SGCZ: variants seen among roughly 807,000 people sequenced by gnomAD.
SGCZ encodes zeta-sarcoglycan.
In SGCZ, 40 loss-of-function variants were observed where a neutral mutation model predicts 41.3. The ratio of observed to expected loss-of-function variants is 0.97; its 90% CI spans 0.75 to 1.26. SGCZ has a LOEUF of 1.26. Among genes scored for constraint, SGCZ ranks in the 50% most tolerant of loss-of-function variants. The probability of loss-of-function intolerance (pLI) is 0.00; values close to 1 mark genes in which losing one functional copy is unlikely to be tolerated. For missense variants in SGCZ, 552 were observed against 369.8 expected (o/e 1.49, Z -4.04); for synonymous variants, 206 against 137.5 (o/e 1.50, Z -3.49).
At chr8:14,483,384 A>G (rs555468972) in intron 2 of SGCZ, among the ~76,000 whole-genome samples, 2 of 152,280 alleles carry the variant, frequency 1.3e-5, no homozygotes, top group African/African-American at 4.8e-5. Context: ...AGCCTGAGCA[A>G]TACAGTGAGA....
In SGCZ at chr8:14,496,409, G is replaced by A. The variant is rs966819309; in HGVS notation, c.234+58323C>T. Among the ~76,000 whole-genome samples, 6 of 152,066 alleles carry A rather than the reference G, an allele frequency of 3.9e-5. No individual in the cohort carries two copies. The South Asian group carries it at 8.3e-4, about 21-fold the overall frequency. ...ATGCTAAATTCTGCTGGAAAAAGGA[G>A]TACAAAATGAATACAAGTAGTAAGT... On this transcript the variant is annotated intron_variant, in intron 2 of 7. Coordinates refer to ENST00000382080, the MANE Select transcript of SGCZ (RefSeq NM_139167.4).
chr8:14,980,846 T>C (rs1211200483), intron 1 of SGCZ, among the ~76,000 whole-genome samples: 1 of 152,132 alleles, frequency 6.6e-6, no homozygotes, highest in Admixed American at 6.5e-5. Context: ...CTATTAATAA[T>C]CTGTCTCTCT....
At chr8:14,831,960 T>C (rs1302968160) in intron 1 of SGCZ, among the ~76,000 whole-genome samples, 1 of 152,100 alleles carries the variant, frequency 6.6e-6, no homozygotes, top group East Asian at 1.9e-4. Context: ...GAAAAGTGTT[T>C]TAAAAGAATA....
chr8:14,319,634 C>A (rs1801852090), intron 3 of SGCZ: 1 of 151,970 alleles, frequency 6.6e-6, no homozygotes, highest in East Asian at 1.9e-4. Flanking sequence ...ATAAAGAAGA[C>A]CACAGACGAT....
At chr8:14,658,495 C>A (rs1376447167) in intron 1 of SGCZ, among the ~76,000 whole-genome samples, 2 of 152,038 alleles carry the variant, frequency 1.3e-5, no homozygotes, top group Non-Finnish European at 2.9e-5. Flanking sequence ...AGATGCGCAG[C>A]CTCCAAGCCT....
At chr8:14,421,871 T>A (rs1799646408) in intron 2 of SGCZ, among the ~76,000 whole-genome samples, 1 of 152,128 alleles carries the variant, frequency 6.6e-6, no homozygotes, top group African/African-American at 2.4e-5. Context: ...ATACTTTGAA[T>A]CCAGAATCCT....
intron 1 of SGCZ, among the ~76,000 whole-genome samples, chr8:15,148,304 T>C (rs1416972781): frequency 6.6e-6 from 1 of 152,206 alleles, no homozygotes; most frequent in Non-Finnish European, 1.5e-5. Flanking sequence ...GACATTAAGT[T>C]GCTATCGGAC....
intron 5 of SGCZ, among the ~76,000 whole-genome samples, chr8:14,113,964 G>C (rs1251330540): frequency 2.0e-5 from 3 of 151,992 alleles, no homozygotes; most frequent in African/African-American, 7.2e-5. Context: ...CTAAATTATA[G>C]TATCTGTGAA....
At chr8:14,641,537 AG>A (rs1807027922) in intron 1 of SGCZ, among the ~76,000 whole-genome samples, 1 of 151,750 alleles carries the variant, frequency 6.6e-6, no homozygotes, top group African/African-American at 2.4e-5. Flanking sequence ...CCAAGCCAGG[AG>A]TCTTTTGCTC....
intron 1 of SGCZ, among the ~76,000 whole-genome samples, chr8:15,135,442 G>C (rs966796237): frequency 6.6e-6 from 1 of 152,046 alleles, no homozygotes; most frequent in African/African-American, 2.4e-5. Flanking sequence ...CATTTTCCTA[G>C]CACATGAAGA....
At chr8:14,353,912 G>A (rs1016496875) in intron 2 of SGCZ, among the ~76,000 whole-genome samples, 3 of 151,950 alleles carry the variant, frequency 2.0e-5, no homozygotes, top group Non-Finnish European at 2.9e-5. Context: ...CAGATTCTAA[G>A]AGCTACTTCT....
chr8:14,812,934 A>G (rs1022674496), intron 1 of SGCZ, among the ~76,000 whole-genome samples: 2 of 152,318 alleles, frequency 1.3e-5, no homozygotes, highest in East Asian at 3.9e-4. Context: ...CCTGAATAAT[A>G]TGCCAGACTT....
chr8:14,646,197 C>T (rs2117443192), intron 1 of SGCZ, among the ~76,000 whole-genome samples: 1 of 151,566 alleles, frequency 6.6e-6, no homozygotes, highest in South Asian at 2.1e-4. Flanking sequence ...CAGCTTACTG[C>T]TCCTGACTCC....
intron 1 of SGCZ, among the ~76,000 whole-genome samples, chr8:15,093,375 G>T (rs541959909): frequency 6.6e-6 from 1 of 152,028 alleles, no homozygotes; most frequent in Non-Finnish European, 1.5e-5. Flanking sequence ...AAATTTAAAC[G>T]TATTCTTCTA....
At chr8:14,159,520 T>C (rs1185982376) in intron 5 of SGCZ, among the ~76,000 whole-genome samples, 1 of 152,184 alleles carries the variant, frequency 6.6e-6, no homozygotes, top group East Asian at 1.9e-4. Flanking sequence ...GGTGGGGTGG[T>C]ACTAATATTT....
At chr8:14,555,609 C>T (rs910461634) in intron 1 of SGCZ, among the ~76,000 whole-genome samples, 1 of 152,012 alleles carries the variant, frequency 6.6e-6, no homozygotes, top group Non-Finnish European at 1.5e-5. Flanking sequence ...TACCCCGTCT[C>T]AAATATTTTT....
chr8:14,965,780 G>C (rs1057509796), intron 1 of SGCZ, among the ~76,000 whole-genome samples: 1 of 151,910 alleles, frequency 6.6e-6, no homozygotes, highest in East Asian at 1.9e-4. Context: ...AACAGTGAAA[G>C]AATATAAATA....
intron 3 of SGCZ, among the ~76,000 whole-genome samples, chr8:14,260,369 G>A (rs1429671113): frequency 6.7e-6 from 1 of 148,456 alleles, no homozygotes; most frequent in East Asian, 2.0e-4. Context: ...CTGGCCATCA[G>A]AGAAATACAA....
At chr8:15,002,881 C>A (rs1052674673) in intron 1 of SGCZ, among the ~76,000 whole-genome samples, 3 of 152,178 alleles carry the variant, frequency 2.0e-5, no homozygotes, top group Non-Finnish European at 4.4e-5. Flanking sequence ...AGGAGGGACC[C>A]TGGGGGAGGT....
Sources: gnomAD v4.1 joint callset for allele counts (sites outside exome capture counted in the v4.1 genomes callset) on GRCh38, gnomAD v4.1.1 for gene constraint, MANE v1.5 for transcripts, NCBI Gene and HGNC (gene_info 2026-07-23, HGNC 2026-07-21) for gene names.